Variants in PAQR8 observed in about 807,000 individuals in gnomAD.
PAQR8 encodes progestin and adipoQ receptor family member 8.
Under a neutral mutation model 25.2 loss-of-function variants are expected in PAQR8, and 17 were observed. The observed-to-expected ratio is 0.67, with a 90% CI of 0.46 to 1.01. The LOEUF (loss-of-function observed/expected upper bound fraction) is 1.01, where lower values mean the gene tolerates loss of function less well. Among genes scored for constraint, PAQR8 ranks in the 50% least tolerant of loss-of-function variants. The pLI, the probability that PAQR8 is intolerant of heterozygous loss-of-function variation, is 0.00. For synonymous variants in PAQR8, 204 were observed against 190.6 expected (o/e 1.07, Z -0.58); for missense variants, 392 against 448.4 (o/e 0.87, Z 1.14).
In PAQR8 at chr6:52,406,823, A is replaced by G; in HGVS notation, c.*2545A>G. ...AGTGATCCGCCCACCTCAGCCTCCC[A>G]AAGTGTTGGGATTACAGACATTAGC... On this transcript the variant is annotated 3_prime_UTR_variant, in exon 2 of 2. Transcript: ENST00000442253. The G allele has an allele frequency of 5.9e-6, 2 of 340,934 alleles. No individual in the cohort carries two copies. The highest frequency in any genetic ancestry group is 1.1e-5 in the Non-Finnish European group (2 of 181,596). The allele number at this position is 340,934 out of a possible 1,614,324, so 21.1% of individuals were successfully genotyped here. A position where few individuals can be genotyped will look rare whatever the true frequency, so the allele number is the denominator to read the frequency against.
intron 1 of PAQR8, among the ~76,000 whole-genome samples, chr6:52,370,993 T>G (rs1763413438): frequency 6.6e-6 from 1 of 152,144 alleles, no homozygotes; most frequent in South Asian, 2.1e-4. Context: ...TACTATATGC[T>G]TGGTTGGCAG....
At chr6:52,379,628 T>TTTTTTTTTTTTTC (rs1763529839) in intron 1 of PAQR8, among the ~76,000 whole-genome samples, 1 of 126,278 alleles carries the variant, frequency 7.9e-6, no homozygotes, top group Non-Finnish European at 1.7e-5. Context: ...TCTTTTTTTT[T>TTTTTTTTTTTTTC]TTTTTTTTTT....
At chr6:52,369,608 A>G (rs1763393865) in intron 1 of PAQR8, among the ~76,000 whole-genome samples, 1 of 152,242 alleles carries the variant, frequency 6.6e-6, no homozygotes, top group Non-Finnish European at 1.5e-5. Context: ...TAAAATATAC[A>G]TACTCTGCTG....
At chr6:52,366,221 T>C (rs1406959584) in intron 1 of PAQR8, among the ~76,000 whole-genome samples, 1 of 152,144 alleles carries the variant, frequency 6.6e-6, no homozygotes, top group Non-Finnish European at 1.5e-5. Context: ...TTAATTTTAA[T>C]CAGATGATTA....
At chr6:52,395,338 A>G (rs1056801087) in intron 1 of PAQR8, among the ~76,000 whole-genome samples, 15 of 152,044 alleles carry the variant, frequency 9.9e-5, no homozygotes, top group African/African-American at 3.6e-4. Context: ...ACATTTTTTA[A>G]CACTTTCTTA....
intron 1 of PAQR8, among the ~76,000 whole-genome samples, chr6:52,387,875 A>G (rs1763651140): frequency 6.6e-6 from 1 of 152,234 alleles, no homozygotes; most frequent in African/African-American, 2.4e-5. Flanking sequence ...TTAGATTTTC[A>G]TAGGCGTGCC....
chr6:52,385,717 C>T (rs1763625597), intron 1 of PAQR8, among the ~76,000 whole-genome samples: 1 of 152,032 alleles, frequency 6.6e-6, no homozygotes, highest in South Asian at 2.1e-4. Flanking sequence ...ACCCCACTCT[C>T]TACAAAAAAA....
Position 52,405,539 on chromosome 6 carries a change from G to C in PAQR8, c.*1261G>C, listed in dbSNP as rs1473679055. On this transcript the variant is annotated 3_prime_UTR_variant, in exon 2 of 2. Transcript: ENST00000442253. Reference sequence around the variant, plus strand: ...TATGGGATAGGTGGTGCTTGGGATTGATGTGTTGTGGCCATGCAGCCCTCC... The same window carrying C: ...TATGGGATAGGTGGTGCTTGGGATTCATGTGTTGTGGCCATGCAGCCCTCC... 2.4e-5 allele frequency: 4 copies of C among 167,152 alleles called. No individual in the cohort carries two copies. The East Asian group carries it at 7.7e-4, about 32-fold the overall frequency. 10.4% of individuals were successfully genotyped at this position (167,152 alleles called of 1,614,324 possible).
rs186036202 is a variant in PAQR8 at position 52,362,818 on chromosome 6, C to G, written c.-53+569C>G. Among the ~76,000 whole-genome samples, 134 of 152,222 alleles carry G rather than the reference C, an allele frequency of 8.8e-4. 1 individual carries two copies. The highest frequency in any genetic ancestry group is 3.2e-3 in the African/African-American group (132 of 41,558). On this transcript the variant is annotated intron_variant, in intron 1 of 1. Coordinates refer to ENST00000442253, the MANE Select transcript of PAQR8 (RefSeq NM_133367.5). This position sits in a 1 kb window ranked among gnomAD's most constrained non-coding sequence, Gnocchi z 4.1. ...AAGGGCAGCCCGAGGTAGGGGAACC[C>G]CGGAAAGAGTAGGGTGGGTCTAGGC...
rs987045686 is a variant in PAQR8, at chr6:52,405,099, A to G, written c.*821A>G. ...CTATATGGTATCATGGGACCCATCT[A>G]TTTTTTACCAGTGGACTACAGGATT... On this transcript the variant is annotated 3_prime_UTR_variant, in exon 2 of 2. Coordinates refer to ENST00000442253, the MANE Select transcript of PAQR8 (RefSeq NM_133367.5). 7 of 167,070 alleles carry G rather than the reference A, an allele frequency of 4.2e-5. No individual in the cohort carries two copies. Among genetic ancestry groups the G allele is most frequent in the African/African-American group, 7.2e-5 (3 of 41,444 alleles). The allele number at this position is 167,070 out of a possible 1,614,324, so 10.3% of individuals were successfully genotyped here.
intron 1 of PAQR8, among the ~76,000 whole-genome samples, chr6:52,367,457 A>C (rs1215560761): frequency 6.6e-6 from 1 of 152,232 alleles, no homozygotes; most frequent in Non-Finnish European, 1.5e-5. Flanking sequence ...GGATCGCAAT[A>C]AGTGTCAACT....
At position 52,362,246 on chromosome 6, in the gene PAQR8, G is replaced by C. The variant is rs2113930056; in HGVS notation, c.-56G>C. 1 of 152,246 alleles carries C rather than the reference G, an allele frequency of 6.6e-6. No individual in the cohort carries two copies. Among genetic ancestry groups the C allele is most frequent in the East Asian group, 1.9e-4 (1 of 5,186 alleles). The allele number at this position is 152,246 out of a possible 1,614,324, so 9.4% of individuals were successfully genotyped here. ...GCGCACGGGCTCGGCCGCCGCCCCTGCCGGTGAGTCCCGCCGCGGGAGGCG... is the reference window on the plus strand; with the variant it reads ...GCGCACGGGCTCGGCCGCCGCCCCTCCCGGTGAGTCCCGCCGCGGGAGGCG... On this transcript the variant is annotated 5_prime_UTR_variant, in exon 1 of 2. Transcript: ENST00000442253. The surrounding 1 kb of genome is among the most constrained non-coding windows in gnomAD (Gnocchi z 4.1).
chr6:52,368,620 G>T (rs1370872713), intron 1 of PAQR8, among the ~76,000 whole-genome samples: 1 of 152,196 alleles, frequency 6.6e-6, no homozygotes, highest in African/African-American at 2.4e-5. Context: ...TAGAACCTTA[G>T]AGGTGTTTAA....
chr6:52,372,538 A>G (rs943315150), intron 1 of PAQR8, among the ~76,000 whole-genome samples: 1 of 152,116 alleles, frequency 6.6e-6, no homozygotes, highest in Admixed American at 6.6e-5. Flanking sequence ...AAAACCTCTG[A>G]TCTACAACAG....
chr6:52,401,037 T>C (rs1763823911), intron 1 of PAQR8, among the ~76,000 whole-genome samples: 2 of 152,328 alleles, frequency 1.3e-5, no homozygotes, highest in South Asian at 2.1e-4. Flanking sequence ...TATAGAATTA[T>C]GAAGAAACTG....
At chr6:52,392,359 A>T (rs1763719219) in intron 1 of PAQR8, among the ~76,000 whole-genome samples, 1 of 151,038 alleles carries the variant, frequency 6.6e-6, no homozygotes, top group Non-Finnish European at 1.5e-5. Context: ...AAAAAAAAAA[A>T]GTGTCACATA....
At chr6:52,376,803 G>A (rs183011007) in intron 1 of PAQR8, among the ~76,000 whole-genome samples, 132 of 152,280 alleles carry the variant, frequency 8.7e-4, no homozygotes, top group Non-Finnish European at 3.2e-4. Flanking sequence ...TCATTTGCTT[G>A]TTATTTGGGA....
chr6:52,372,373 T>C (rs1763429694), intron 1 of PAQR8, among the ~76,000 whole-genome samples: 1 of 152,144 alleles, frequency 6.6e-6, no homozygotes, highest in Non-Finnish European at 1.5e-5. Context: ...TTATTGTTAC[T>C]GATAGTGAAA....
chr6:52,384,156 T>C (rs1478836374), intron 1 of PAQR8, among the ~76,000 whole-genome samples: 1 of 152,166 alleles, frequency 6.6e-6, no homozygotes, highest in African/African-American at 2.4e-5. Flanking sequence ...GCCTGAGAGA[T>C]TGGTTACATC....
Sources: allele counts gnomAD v4.1 joint callset (sites outside exome capture counted in the v4.1 genomes callset), GRCh38; gene constraint gnomAD v4.1.1; non-coding constraint Gnocchi (gnomAD v3.1); transcripts MANE v1.5; gene names NCBI Gene and HGNC (gene_info 2026-07-23, HGNC 2026-07-21).